FBXW11: variants seen among roughly 807,000 people sequenced by gnomAD.
FBXW11 encodes the protein F-box/WD repeat-containing protein 11.
In FBXW11, 19 loss-of-function variants were observed where a neutral mutation model predicts 77.6. The observed-to-expected ratio is 0.24, with a 90% CI of 0.17 to 0.36. The LOEUF (loss-of-function observed/expected upper bound fraction) is 0.36. Ranked by LOEUF, FBXW11 falls within the 10% of genes least tolerant of loss-of-function variation. The probability of loss-of-function intolerance (pLI) is 1.00; values close to 1 mark genes in which losing one functional copy is unlikely to be tolerated. For synonymous variants in FBXW11, 235 were observed against 249.4 expected, an observed-to-expected ratio of 0.94 and a Z score of 0.54; for missense variants, 334 against 704.2, an observed-to-expected ratio of 0.47 and a Z score of 5.95.
At chr5:171,938,539 T>G (rs1762592362) in intron 2 of FBXW11, among the ~76,000 whole-genome samples, 1 of 152,258 alleles carries the variant, frequency 6.6e-6, no homozygotes, top group Non-Finnish European at 1.5e-5. Context: ...GGTGCTCTTG[T>G]GTATTTCTGG....
In FBXW11 at chr5:171,872,952, G is replaced by A. The variant is rs1156489722; in HGVS notation, c.1260C>T (p.Leu420=). ...AGGCAATGCCCCGCTTGTGCCCATT[G>A]AGAGTACGAACAAATTCACAGGTGC... ...STSTCEFVRT[L]NGHKRGIACL... The change falls in exon 10 of 14, where the codon CTC becomes CTT. Residue 420 remains leucine, a synonymous_variant. Coordinates refer to ENST00000517395, the MANE Select transcript of FBXW11 (RefSeq NM_001378974.1). 6.2e-7 allele frequency: 1 copy of A among 1,614,048 alleles called. No individual in the cohort carries two copies. Among genetic ancestry groups the A allele is most frequent in the Non-Finnish European group, 8.5e-7 (1 of 1,179,978 alleles).
chr5:171,888,806 G>A (rs1039294554), intron 7 of FBXW11, among the ~76,000 whole-genome samples: 2 of 152,254 alleles, frequency 1.3e-5, no homozygotes, highest in Middle Eastern at 3.4e-3. Flanking sequence ...AAAGATAAAC[G>A]TGCTTGAGGT....
intron 6 of FBXW11, among the ~76,000 whole-genome samples, 174 bp downstream of exon 6, chr5:171,898,830 C>G (rs1368965363): frequency 6.6e-6 from 1 of 152,162 alleles, no homozygotes; most frequent in African/African-American, 2.4e-5. Context: ...ACATTATTTT[C>G]TCTGCAGAAT....
rs1397456208 is a variant in FBXW11 at position 172,006,509 on chromosome 5, C to T, written c.-7G>A. ...TCACCGAGTCGGGCTCCATGGCGGC[C>T]CCGGCGGCCCCGCCTCGCTCTCCCC... On this transcript the variant is annotated 5_prime_UTR_variant, in exon 1 of 14. Transcript: ENST00000517395. 2 of 1,506,806 alleles carry T rather than the reference C, an allele frequency of 1.3e-6. No homozygotes were observed. The highest frequency in any genetic ancestry group is 8.9e-7 in the Non-Finnish European group (1 of 1,126,492). 93.3% of individuals were successfully genotyped at this position (1,506,806 alleles called of 1,614,324 possible).
At chr5:172,004,895 ATG>A (rs1766640660) in intron 1 of FBXW11, among the ~76,000 whole-genome samples, 1 of 152,006 alleles carries the variant, frequency 6.6e-6, no homozygotes, top group African/African-American at 2.4e-5. Context: ...ACACACACGC[ATG>A]CAAAAATCAA....
At chr5:171,873,646 A>G (rs901870929) in intron 9 of FBXW11, among the ~76,000 whole-genome samples, 11 of 152,176 alleles carry the variant, frequency 7.2e-5, no homozygotes, top group Non-Finnish European at 1.5e-4. Context: ...TGTCTCAAAA[A>G]ACAAACAAAA....
intron 2 of FBXW11, among the ~76,000 whole-genome samples, chr5:171,929,364 G>A (rs1300627030): frequency 1.3e-5 from 2 of 151,396 alleles, no homozygotes; most frequent in South Asian, 2.1e-4. Context: ...AGTGAGACCT[G>A]TCTCAAAAAA....
chr5:171,891,709 A>C lies in FBXW11; in HGVS notation c.715-105T>G. ...AGAAACAGCATACCACCGATACCCCAATCTTGGTTTGCATAACTGTCTGTG... is the reference window on the plus strand; with the variant it reads ...AGAAACAGCATACCACCGATACCCCCATCTTGGTTTGCATAACTGTCTGTG... On this transcript the variant is annotated intron_variant, in intron 6 of 13. Coordinates refer to ENST00000517395, the MANE Select transcript of FBXW11 (RefSeq NM_001378974.1). The C allele has an allele frequency of 1.4e-5, 16 of 1,146,964 alleles. No individual in the cohort carries two copies. The South Asian group carries it at 2.7e-4, about 19-fold the overall frequency. 71.0% of individuals were successfully genotyped at this position (1,146,964 alleles called of 1,614,324 possible). A position where few individuals can be genotyped will look rare whatever the true frequency, so the allele number is the denominator to read the frequency against.
intron 1 of FBXW11, among the ~76,000 whole-genome samples, chr5:171,969,173 C>T (rs2113406034): frequency 6.6e-6 from 1 of 152,232 alleles, no homozygotes; most frequent in East Asian, 1.9e-4. Flanking sequence ...GAGTCTGAGC[C>T]AGAAGAATCA....
intron 1 of FBXW11, among the ~76,000 whole-genome samples, chr5:171,998,659 T>C (rs1486143384): frequency 6.6e-6 from 1 of 151,552 alleles, no homozygotes; most frequent in Non-Finnish European, 1.5e-5. Context: ...TAACCGGGCC[T>C]GGTGGCACAT....
At chr5:171,998,336 C>CTTTTTTTTTTTTT (rs778327855) in intron 1 of FBXW11, among the ~76,000 whole-genome samples, 4,384 of 114,368 alleles carry the variant, frequency 0.038, 286 homozygotes, top group Non-Finnish European at 0.046. Context: ...TTTTTCTTGT[C>CTTTTTTTTTTTTT]TTTTTTTTTT....
chr5:171,883,148 A>G (rs542834362), intron 7 of FBXW11, among the ~76,000 whole-genome samples: 1 of 152,302 alleles, frequency 6.6e-6, no homozygotes, highest in Admixed American at 6.5e-5. Context: ...GTATTCCATC[A>G]TATATATATC....
intron 12 of FBXW11, 79 bp from the exon 13 acceptor site, chr5:171,868,875 A>T: frequency 7.5e-7 from 1 of 1,337,438 alleles, no homozygotes; most frequent in Non-Finnish European, 1.0e-6. Context: ...TGGGCAGAAG[A>T]TGAAAATGCA....
intron 7 of FBXW11, among the ~76,000 whole-genome samples, chr5:171,885,116 G>A (rs182387095): frequency 9.2e-5 from 14 of 152,238 alleles, no homozygotes; most frequent in African/African-American, 3.1e-4. Context: ...GGTCAGTCAG[G>A]TTCTATAAAA....
In FBXW11 at chr5:171,899,030, A is replaced by G. The variant is rs770943991; in HGVS notation, c.688T>C (p.Tyr230His). 1.3e-5 allele frequency: 21 copies of G among 1,607,306 alleles called. 1 individual carries two copies. In the South Asian group the frequency reaches 2.2e-4, roughly 17 times the overall value. Residue 230 changes from tyrosine to histidine, a missense_variant, in exon 6 of 14, where the codon TAC becomes CAC. Physicochemically the swap from Tyr to His is moderately conservative, Grantham distance 83 (BLOSUM62 2). Coordinates refer to ENST00000517395, the MANE Select transcript of FBXW11 (RefSeq NM_001378974.1). ...TCTATATCCTGGATAATCTTTGGGTATAATGACCTATAAAATGAATTTGGA... is the reference window on the plus strand; with the variant it reads ...TCTATATCCTGGATAATCTTTGGGTGTAATGACCTATAAAATGAATTTGGA... ...GPPNSFYRSL[Y>H]PKIIQDIETI...
chr5:171,995,015 A>T (rs912948213), intron 1 of FBXW11, among the ~76,000 whole-genome samples: 4 of 152,228 alleles, frequency 2.6e-5, no homozygotes, highest in Admixed American at 2.0e-4. Context: ...AAATATTAGC[A>T]AATGTGAAAG....
intron 4 of FBXW11, 147 bp downstream of exon 4, chr5:171,910,425 T>C (rs1760809168): frequency 3.7e-6 from 2 of 543,906 alleles, no homozygotes; most frequent in South Asian, 3.0e-5. Context: ...TAAATTATAA[T>C]TCCTCGAGTT....
intron 7 of FBXW11, among the ~76,000 whole-genome samples, chr5:171,882,512 C>G (rs1758586627): frequency 6.6e-6 from 1 of 151,992 alleles, no homozygotes; most frequent in Non-Finnish European, 1.5e-5. Flanking sequence ...CCTATGTTTC[C>G]CAGGCTTGTC....
At chr5:171,939,719 G>C (rs1459805207) in intron 2 of FBXW11, among the ~76,000 whole-genome samples, 6 of 113,528 alleles carry the variant, frequency 5.3e-5, no homozygotes, top group Non-Finnish European at 1.9e-5. Context: ...AAAAAAAAAA[G>C]AAAGAAAGAA....
Sources: allele counts gnomAD v4.1 joint callset (sites outside exome capture counted in the v4.1 genomes callset), GRCh38; gene constraint gnomAD v4.1.1; transcripts MANE v1.5; gene names NCBI Gene and HGNC (gene_info 2026-07-23, HGNC 2026-07-21).